The following LMNB1 variants were observed in gnomAD, a reference collection of about 807,000 sequenced individuals.
LMNB1 encodes the protein lamin B1.
A neutral mutation model predicts 67.1 loss-of-function variants in LMNB1; 23 were observed. The ratio of observed to expected loss-of-function variants is 0.34; its 90% CI spans 0.25 to 0.49. LMNB1 has a LOEUF of 0.49. Among genes scored for constraint, LMNB1 ranks in the 20% least tolerant of loss-of-function variants. The pLI, the probability that LMNB1 is intolerant of heterozygous loss-of-function variation, is 0.99. For missense variants in LMNB1, 634 were observed against 746.5 expected (o/e 0.85, Z 1.76); for synonymous variants, 281 against 282.9 (o/e 0.99, Z 0.07).
intron 3 of LMNB1, among the ~76,000 whole-genome samples, chr5:126,807,497 T>C (rs1176561552): frequency 1.3e-5 from 2 of 152,262 alleles, no homozygotes; most frequent in African/African-American, 2.4e-5. Flanking sequence ...ACTGCTATTT[T>C]TTTCTTCAAT....
rs935051617 is a variant in LMNB1, at chr5:126,818,771, GT to G, written c.940-147del. On this transcript the variant is annotated intron_variant, in intron 5 of 10. Transcript: ENST00000261366. ...GTGTTTTGTATTTGAGGAATTTTGGGTTTTAATTTCTTAAAATCTCTTGAAT... is the reference window on the plus strand; with the variant it reads ...GTGTTTTGTATTTGAGGAATTTTGGGTTTAATTTCTTAAAATCTCTTGAAT... 8.0e-6 allele frequency: 5 copies of G among 624,982 alleles called. No homozygotes were observed. In the Admixed American group the frequency reaches 1.5e-4, roughly 19 times the overall value. 38.7% of individuals were successfully genotyped at this position (624,982 alleles called of 1,614,324 possible).
chr5:126,822,207 C>G (rs1046522570), intron 7 of LMNB1, among the ~76,000 whole-genome samples: 3 of 152,162 alleles, frequency 2.0e-5, no homozygotes, highest in Non-Finnish European at 4.4e-5. Context: ...CCAGGCTGGT[C>G]TCCAACTCCT....
chr5:126,812,718 C>CTTTTTTTTTTA (rs1751608150), intron 5 of LMNB1, among the ~76,000 whole-genome samples: 1 of 117,158 alleles, frequency 8.5e-6, no homozygotes, highest in Non-Finnish European at 1.7e-5. Context: ...CTTTATTTTA[C>CTTTTTTTTTTA]TTTTTTTTTT....
chr5:126,802,554 C>T (rs1751311295), intron 1 of LMNB1, among the ~76,000 whole-genome samples: 1 of 152,190 alleles, frequency 6.6e-6, no homozygotes, highest in African/African-American at 2.4e-5. Flanking sequence ...GGCAATTCTC[C>T]TGCCTCAGCC....
chr5:126,828,579 C>CTT (rs11372205), intron 9 of LMNB1, among the ~76,000 whole-genome samples: 173 of 141,992 alleles, frequency 1.2e-3, no homozygotes, highest in African/African-American at 2.5e-3. Context: ...TTGGTCCATT[C>CTT]TTTTTTTTTT....
At chr5:126,817,253 C>G (rs889285424) in intron 5 of LMNB1, among the ~76,000 whole-genome samples, 1 of 152,120 alleles carries the variant, frequency 6.6e-6, no homozygotes, top group Non-Finnish European at 1.5e-5. Context: ...CACTTTGTTG[C>G]TTTCTGGTAC....
At chr5:126,790,642 T>A (rs912417165) in intron 1 of LMNB1, among the ~76,000 whole-genome samples, 3 of 152,150 alleles carry the variant, frequency 2.0e-5, no homozygotes, top group African/African-American at 4.8e-5. Flanking sequence ...GGATCATTTT[T>A]AAATTAATTT....
chr5:126,784,425 G>A (rs1219181099), intron 1 of LMNB1, among the ~76,000 whole-genome samples: 9 of 146,888 alleles, frequency 6.1e-5, no homozygotes, highest in South Asian at 2.2e-4. Context: ...GTGCGATCTC[G>A]GCTCACTGCA....
chr5:126,824,217 A>G lies in LMNB1; in HGVS notation c.1491+1332A>G, dbSNP rs151057648. Among the ~76,000 whole-genome samples, 1,226 of 152,372 alleles carry G rather than the reference A, an allele frequency of 8.0e-3. 18 individuals are homozygous for G. Among genetic ancestry groups the G allele is most frequent in the African/African-American group, 0.028 (1,181 of 41,588 alleles). On this transcript the variant is annotated intron_variant, in intron 8 of 10. Coordinates refer to ENST00000261366, the MANE Select transcript of LMNB1 (RefSeq NM_005573.4). ...GAGGCAAAAGCAAAGATCAGTTTAA[A>G]ACTCTAGAATAGAAATATGAGAACC...
intron 1 of LMNB1, among the ~76,000 whole-genome samples, chr5:126,784,443 C>T (rs1488738304): frequency 6.6e-6 from 1 of 151,428 alleles, no homozygotes; most frequent in African/African-American, 2.4e-5. Context: ...GCAACCTCCG[C>T]CCCTCCAGGT....
Position 126,811,816 on chromosome 5 carries a change from T to C in LMNB1, c.857T>C (p.Val286Ala). The change falls in exon 5 of 11, where the codon GTC (valine) becomes GCC (alanine). Residue 286 changes from valine (V) to alanine (A), a missense_variant. By Grantham distance (64) the Val-to-Ala change is moderately conservative. Transcript: ENST00000261366. ...TCATCAGAGATGAATACTTCTACTG[T>C]CAACAGTGCCAGGGAAGAACTGATG... ...RLSSEMNTST[V>A]NSAREELMES... The C allele has an allele frequency of 6.2e-7, 1 of 1,612,612 alleles. No homozygotes were observed. The highest frequency in any genetic ancestry group is 8.5e-7 in the Non-Finnish European group (1 of 1,178,712).
chr5:126,801,168 A>G (rs1412777092), intron 1 of LMNB1, among the ~76,000 whole-genome samples: 1 of 150,204 alleles, frequency 6.7e-6, no homozygotes, highest in Non-Finnish European at 1.5e-5. Context: ...TATTTTTAGT[A>G]GAGATGGGGT....
rs1263414050 is a variant in LMNB1 at position 126,821,061 on chromosome 5, G to A, written c.1312G>A (p.Ala438Thr). Residue 438 changes from alanine to threonine, a missense_variant, in exon 7 of 11, where the codon GCC (alanine) becomes ACC (threonine). Ala to Thr is a moderately conservative substitution (Grantham distance 58, BLOSUM62 0). Transcript: ENST00000261366. Reference sequence around the variant, plus strand: ...TGTTAGCATCTCTCATTCCGCCTCAGCCACTGGAAATGTTTGCATCGAAGA... The same window carrying A: ...TGTTAGCATCTCTCATTCCGCCTCAACCACTGGAAATGTTTGCATCGAAGA... ...SSVSISHSAS[A>T]TGNVCIEEID... 6.2e-7 allele frequency: 1 copy of A among 1,613,914 alleles called. No homozygotes were observed. The highest frequency in any genetic ancestry group is 1.3e-5 in the African/African-American group (1 of 74,886).
intron 6 of LMNB1, 68 bp from the exon 7 acceptor site, chr5:126,820,839 GTTT>G (rs34618438): frequency 9.3e-5 from 98 of 1,049,914 alleles, no homozygotes; most frequent in Non-Finnish European, 1.2e-4. Flanking sequence ...TTGTTTTTTT[GTTT>G]TTTTTTTTTT....
chr5:126,831,482 A>G (rs1182713957), intron 9 of LMNB1, among the ~76,000 whole-genome samples: 3 of 152,348 alleles, frequency 2.0e-5, no homozygotes, highest in East Asian at 1.9e-4. Flanking sequence ...TAGGAGACCT[A>G]TTTCTGTACA....
In LMNB1 at chr5:126,784,271, C is replaced by G. The variant is rs112541857; in HGVS notation, c.359+6404C>G. ...CTGGAATTCCCAACCTTGGATGATCCGCCCGCCTTGGCCTCCCAAAGTGCG... is the reference window on the plus strand; with the variant it reads ...CTGGAATTCCCAACCTTGGATGATCGGCCCGCCTTGGCCTCCCAAAGTGCG... On this transcript the variant is annotated intron_variant, in intron 1 of 10. Transcript: ENST00000261366. 7.0e-3 allele frequency among the ~76,000 whole-genome samples: 1,062 copies of G among 152,022 alleles called. 11 individuals carry two copies. The highest frequency in any genetic ancestry group is 0.024 in the African/African-American group (1,014 of 41,474).
chr5:126,778,078 G>A (rs1056110934), intron 1 of LMNB1, among the ~76,000 whole-genome samples: 1 of 152,174 alleles, frequency 6.6e-6, no homozygotes, highest in African/African-American at 2.4e-5. Context: ...CTGTAGCGCT[G>A]GGGGGCCGTG....
intron 3 of LMNB1, 120 bp from the exon 4 acceptor site, chr5:126,810,060 C>A: frequency 2.3e-6 from 2 of 882,980 alleles, no homozygotes; most frequent in Non-Finnish European, 3.4e-6. Context: ...ACATGACCGC[C>A]TGAGGACAAA....
intron 9 of LMNB1, among the ~76,000 whole-genome samples, chr5:126,827,646 C>T (rs1478224000): frequency 6.6e-6 from 1 of 152,084 alleles, no homozygotes; most frequent in African/African-American, 2.4e-5. Context: ...GACTGTGTCT[C>T]AAATAAATAA....
Sources: gnomAD v4.1 joint callset for allele counts (sites outside exome capture counted in the v4.1 genomes callset) on GRCh38, gnomAD v4.1.1 for gene constraint, MANE v1.5 for transcripts, NCBI Gene and HGNC (gene_info 2026-07-23, HGNC 2026-07-21) for gene names.